Variants in NR4A1 observed in about 807,000 individuals in gnomAD.
NR4A1 encodes nuclear receptor subfamily 4 group A member 1, also known as nuclear receptor subfamily 4immunitygroup A member 1.
In NR4A1, 24 loss-of-function variants were observed where a neutral mutation model predicts 47.5. The observed-to-expected ratio is 0.50, with a 90% CI of 0.37 to 0.71. NR4A1 has a LOEUF of 0.71. NR4A1 is among the 30% of genes least tolerant of loss of function. NR4A1 has a pLI of 0.00. For synonymous variants in NR4A1, 353 were observed against 345.7 expected (o/e 1.02, Z -0.24); for missense variants, 669 against 788.6 (o/e 0.85, Z 1.82).
chr12:52,043,756 T>C (rs1458718698), intron 2 of NR4A1: 6 of 1,286,126 alleles, frequency 4.7e-6, no homozygotes, highest in Non-Finnish European at 6.1e-6. Context: ...CTGCCCAGCC[T>C]CGGCTGTGAG....
intron 1 of NR4A1, among the ~76,000 whole-genome samples, chr12:52,030,862 T>C (rs1938109218): frequency 1.3e-5 from 2 of 152,138 alleles, no homozygotes; most frequent in South Asian, 4.1e-4. Flanking sequence ...TTGGGCTGAG[T>C]GCTCCTCTCG....
intron 1 of NR4A1, chr12:52,038,044 G>T (rs1167578663): frequency 9.1e-6 from 9 of 987,886 alleles, no homozygotes; most frequent in African/African-American, 7.0e-5. Flanking sequence ...CCTTGACTTG[G>T]CTCATTCCCC....
At chr12:52,032,906 T>C (rs1938156856) in intron 1 of NR4A1, among the ~76,000 whole-genome samples, 1 of 152,152 alleles carries the variant, frequency 6.6e-6, no homozygotes, top group Non-Finnish European at 1.5e-5. Context: ...ACCAGCACTC[T>C]ACAGATTTCG....
intron 1 of NR4A1, among the ~76,000 whole-genome samples, chr12:52,034,025 C>T (rs1938186563): frequency 6.6e-6 from 1 of 152,194 alleles, no homozygotes; most frequent in Non-Finnish European, 1.5e-5. Context: ...GGAAGGGCAC[C>T]TGGGGAGGGC....
In NR4A1 at chr12:52,057,648, C is replaced by G. The variant is rs912546676; in HGVS notation, c.1540+118C>G. ...CCGGGATCTAGCACTTTCTGGGCCC[C>G]TGCACTGCCCCGGGCTCATGCCAGC... On this transcript the variant is annotated intron_variant, in intron 6 of 6. Transcript: ENST00000394825. 30 of 1,147,414 alleles carry G rather than the reference C, an allele frequency of 2.6e-5. No individual in the cohort carries two copies. The Middle Eastern group carries it at 1.2e-3, about 45-fold the overall frequency. 71.1% of individuals were successfully genotyped at this position (1,147,414 alleles called of 1,614,324 possible). A position where few individuals can be genotyped will look rare whatever the true frequency, so the allele number is the denominator to read the frequency against.
intron 1 of NR4A1, among the ~76,000 whole-genome samples, chr12:52,040,973 G>C (rs148389471): frequency 5.3e-5 from 8 of 152,152 alleles, no homozygotes; most frequent in African/African-American, 1.9e-4. Context: ...GTGGCTGAAT[G>C]GGGTTGGGGG....
chr12:52,024,985 C>T (rs188625636), intron 1 of NR4A1, among the ~76,000 whole-genome samples: 3 of 152,080 alleles, frequency 2.0e-5, no homozygotes, highest in East Asian at 1.9e-4. Context: ...TGAGACTGCA[C>T]GAGCTCTGCC....
chr12:52,023,121 G>A (rs950078234), intron 1 of NR4A1, among the ~76,000 whole-genome samples: 2 of 152,364 alleles, frequency 1.3e-5, no homozygotes, highest in Admixed American at 1.3e-4. Flanking sequence ...TTCCCGTCTA[G>A]ACCAGAGTTG....
Position 52,054,866 on chromosome 12 carries a change from G to A in NR4A1, c.538G>A (p.Ala180Thr). ...GGCATGGACAGAGCAGCTGCCCAAA[G>A]CCTCTGGGCCCCCACAGCCTCCAGC... ...LRAWTEQLPK[A>T]SGPPQPPAFF... The change falls in exon 2 of 7, where the codon GCC becomes ACC. Residue 180 changes from alanine to threonine, a missense_variant. Coordinates refer to ENST00000394825, the MANE Select transcript of NR4A1 (RefSeq NM_173157.3). 1 of 1,614,010 alleles carries A rather than the reference G, an allele frequency of 6.2e-7. No individual in the cohort carries two copies. Among genetic ancestry groups the A allele is most frequent in the Non-Finnish European group, 8.5e-7 (1 of 1,180,040 alleles).
chr12:52,057,165 A>C lies in NR4A1; in HGVS notation c.1267A>C (p.Lys423Gln). 3.1e-6 allele frequency: 5 copies of C among 1,614,072 alleles called. No individual in the cohort carries two copies. Among genetic ancestry groups the C allele is most frequent in the Non-Finnish European group, 4.2e-6 (5 of 1,179,950 alleles). ...SLEVIRKWAEKIPGFAELSPA... is the reference protein window; with the variant it reads ...SLEVIRKWAEQIPGFAELSPA... ...GGAGGTCATCCGCAAGTGGGCGGAGAAGATCCCTGGCTTTGCTGAGCTGTC... is the reference window on the plus strand; with the variant it reads ...GGAGGTCATCCGCAAGTGGGCGGAGCAGATCCCTGGCTTTGCTGAGCTGTC... Residue 423 changes from lysine (K) to glutamine (Q), a missense_variant, in exon 5 of 7, where the codon AAG becomes CAG. Transcript: ENST00000394825.
intron 3 of NR4A1, 98 bp downstream of exon 3, chr12:52,056,257 G>A: frequency 6.7e-7 from 1 of 1,485,230 alleles, no homozygotes; most frequent in Non-Finnish European, 9.0e-7. Flanking sequence ...ACCCAGAGGA[G>A]GGCACGTCTT....
chr12:52,054,398 G>C lies in NR4A1; in HGVS notation c.70G>C (p.Asp24His), dbSNP rs369176895. ...GGGACCCCGTGACCACCTGGCAAGC[G>C]ACCCCCTGACCCCTGAGTTCATCAA... is the stretch of plus-strand genomic sequence containing the variant. ...SPGPRDHLAS[D>H]PLTPEFIKPT... The change falls in exon 2 of 7, where the codon GAC (aspartate) becomes CAC (histidine). Residue 24 changes from aspartate (D) to histidine (H), a missense_variant. By Grantham distance (81) the Asp-to-His change is moderately conservative. Coordinates refer to ENST00000394825, the MANE Select transcript of NR4A1 (RefSeq NM_173157.3). The C allele has an allele frequency of 6.2e-7, 1 of 1,613,308 alleles. No individual in the cohort carries two copies. The highest frequency in any genetic ancestry group is 1.3e-5 in the African/African-American group (1 of 74,788).
chr12:52,029,020 C>T (rs1440395903), intron 1 of NR4A1, among the ~76,000 whole-genome samples: 1 of 152,204 alleles, frequency 6.6e-6, no homozygotes, highest in Non-Finnish European at 1.5e-5. Context: ...GTGGAATAGG[C>T]ATAATAGGCA....
chr12:52,034,116 C>T (rs925314417), intron 1 of NR4A1, among the ~76,000 whole-genome samples: 1 of 152,170 alleles, frequency 6.6e-6, no homozygotes, highest in Non-Finnish European at 1.5e-5. Flanking sequence ...CTCAGCCCTG[C>T]CCTGCCGCAT....
chr12:52,038,813 A>C, intron 1 of NR4A1: 1 of 748,930 alleles, frequency 1.3e-6, no homozygotes, highest in South Asian at 1.4e-5. Context: ...TCCTGTGCTG[A>C]GGCCTCTGCT....
upstream of NR4A1, among the ~76,000 whole-genome samples, chr12:52,050,042 A>G (rs1938844784): frequency 6.6e-6 from 1 of 152,044 alleles, no homozygotes; most frequent in Non-Finnish European, 1.5e-5. Context: ...ACATGGGAGA[A>G]GGGGAATGGA....
At chr12:52,026,912 A>G (rs967497549) in intron 1 of NR4A1, among the ~76,000 whole-genome samples, 1 of 152,126 alleles carries the variant, frequency 6.6e-6, no homozygotes, top group African/African-American at 2.4e-5. Context: ...GGAAGGTGAG[A>G]GCACAGAGGC....
chr12:52,038,941 A>G lies in NR4A1; in HGVS notation c.-83-2869A>G, dbSNP rs1469652905. Reference sequence around the variant, plus strand: ...TGGAGGCTGTGGGACTGCTCTGTGCAGTGTGAAGCCTCCATCCGCTACACA... The same window carrying G: ...TGGAGGCTGTGGGACTGCTCTGTGCGGTGTGAAGCCTCCATCCGCTACACA... On this transcript the variant is annotated intron_variant, in intron 1 of 7. Transcript: ENST00000360284. Among the ~76,000 whole-genome samples the G allele has an allele frequency of 2.0e-5, 3 of 152,274 alleles. No homozygotes were observed. In the East Asian group the frequency reaches 5.8e-4, roughly 29 times the overall value.
At chr12:52,038,642 C>G (rs1788240490) in intron 1 of NR4A1, 1 of 731,396 alleles carries the variant, frequency 1.4e-6, no homozygotes, top group Non-Finnish European at 2.5e-6. Flanking sequence ...CATTTAAGAT[C>G]AGTGACTTGG....
Sources: gnomAD v4.1 joint callset for allele counts (sites outside exome capture counted in the v4.1 genomes callset) on GRCh38, gnomAD v4.1.1 for gene constraint, MANE v1.5 for transcripts, NCBI Gene and HGNC (gene_info 2026-07-23, HGNC 2026-07-21) for gene names.